KAZN: variants seen among roughly 807,000 people sequenced by gnomAD.
KAZN encodes the protein kazrin.
KAZN carries 40 observed loss-of-function variants against 87.4 expected under a neutral mutation model. The observed-to-expected ratio is 0.46, with a 90% confidence interval of 0.36 to 0.60. The LOEUF (loss-of-function observed/expected upper bound fraction) is 0.60, where lower values mean the gene tolerates loss of function less well. KAZN is among the 20% of genes least tolerant of loss of function. KAZN has a pLI of 0.00. For missense variants in KAZN, 898 were observed against 1,073.9 expected, an observed-to-expected ratio of 0.84 and a Z score of 2.29; for synonymous variants, 466 against 458.3, an observed-to-expected ratio of 1.02 and a Z score of -0.22.
chr1:14,184,260 C>T lies in KAZN; in HGVS notation c.249+3668C>T, dbSNP rs1365212520. 6.6e-6 allele frequency among the ~76,000 whole-genome samples: 1 copy of T among 151,966 alleles called. No individual in the cohort carries two copies. Among genetic ancestry groups the T allele is most frequent in the Non-Finnish European group, 1.5e-5 (1 of 67,978 alleles). ...CCCTTTTTCTCCCCACCCGACCCAG[C>T]ATCTCTCCTCCTCCCCTCCTATTTT... On this transcript the variant is annotated intron_variant, in intron 2 of 16. Transcript: ENST00000636203. The surrounding 1 kb of genome is among the most constrained non-coding windows in gnomAD (Gnocchi z 4.2).
chr1:14,198,568 C>G (rs1646576418), intron 2 of KAZN, among the ~76,000 whole-genome samples: 1 of 152,156 alleles, frequency 6.6e-6, no homozygotes, highest in Non-Finnish European at 1.5e-5. Context: ...CCATTGCACT[C>G]TAGCCTGGGT....
intron 2 of KAZN, among the ~76,000 whole-genome samples, chr1:14,252,941 A>G (rs990844159): frequency 2.0e-5 from 3 of 152,048 alleles, no homozygotes; most frequent in African/African-American, 4.8e-5. Context: ...GTTTGCATCA[A>G]CTGGCAGTTG....
At chr1:14,664,571 T>C (rs1557873728) in intron 1 of KAZN, among the ~76,000 whole-genome samples, 1 of 152,174 alleles carries the variant, frequency 6.6e-6, no homozygotes, top group Non-Finnish European at 1.5e-5. Context: ...CGTTAAAAAT[T>C]GGTCACTGTG....
At chr1:14,623,042 G>A (rs1048564657) in intron 1 of KAZN, among the ~76,000 whole-genome samples, 7 of 151,988 alleles carry the variant, frequency 4.6e-5, no homozygotes, top group Admixed American at 6.5e-5. Context: ...TGTGAAAAGC[G>A]GTTTGACAAT....
chr1:14,001,116 CA>C (rs1399915852), intron 1 of KAZN, among the ~76,000 whole-genome samples: 1 of 152,182 alleles, frequency 6.6e-6, no homozygotes, highest in Non-Finnish European at 1.5e-5. Flanking sequence ...CCCATCATCT[CA>C]GCCCCAAAAC....
At chr1:14,448,777 C>T (rs951087487) in intron 2 of KAZN, among the ~76,000 whole-genome samples, 4 of 152,164 alleles carry the variant, frequency 2.6e-5, no homozygotes, top group African/African-American at 7.2e-5. Flanking sequence ...CCAAACAAGA[C>T]GCCTGACTCC....
At chr1:14,882,810 T>C (rs1466052415) in intron 1 of KAZN, among the ~76,000 whole-genome samples, 2 of 152,078 alleles carry the variant, frequency 1.3e-5, no homozygotes, top group Non-Finnish European at 2.9e-5. Flanking sequence ...CCATGGATTA[T>C]TTCATTTAAG....
chr1:14,261,579 C>T (rs927937798), intron 2 of KAZN, among the ~76,000 whole-genome samples: 5 of 152,154 alleles, frequency 3.3e-5, no homozygotes, highest in Admixed American at 1.3e-4. Flanking sequence ...AGGCACTTAA[C>T]CCTTCCAGAA....
chr1:14,056,645 A>G (rs1642573122), intron 1 of KAZN, among the ~76,000 whole-genome samples: 1 of 152,226 alleles, frequency 6.6e-6, no homozygotes, highest in Admixed American at 6.5e-5. Flanking sequence ...GTCACCGATA[A>G]GGAGACCGAA....
At chr1:14,760,357 C>T (rs1016221097) in intron 1 of KAZN, among the ~76,000 whole-genome samples, 12 of 152,082 alleles carry the variant, frequency 7.9e-5, no homozygotes, top group African/African-American at 2.7e-4. Context: ...ATGTGCCAGG[C>T]GTGGAATTAA....
At chr1:14,572,874 A>G (rs550601249) in intron 2 of KAZN, among the ~76,000 whole-genome samples, 1 of 152,282 alleles carries the variant, frequency 6.6e-6, no homozygotes, top group Admixed American at 6.5e-5. Context: ...TTAAACATTT[A>G]TGTAAGTATT....
intron 1 of KAZN, among the ~76,000 whole-genome samples, chr1:14,060,730 A>G (rs1642762782): frequency 6.6e-6 from 1 of 152,210 alleles, no homozygotes; most frequent in Non-Finnish European, 1.5e-5. Context: ...CTAAGACCAT[A>G]TAAATAAGCA....
chr1:14,734,324 T>A (rs866335626), intron 1 of KAZN, among the ~76,000 whole-genome samples: 4,892 of 148,036 alleles, frequency 0.033, 241 homozygotes, highest in African/African-American at 0.11. Flanking sequence ...TTTTTTTTTT[T>A]TTGAGACAGA....
chr1:14,034,359 C>T (rs775295217), intron 1 of KAZN, among the ~76,000 whole-genome samples: 1 of 152,024 alleles, frequency 6.6e-6, no homozygotes, highest in African/African-American at 2.4e-5. Flanking sequence ...AGGCTGTTTA[C>T]AAGAGTCCTG....
At chr1:14,428,152 C>T (rs1195706603) in intron 2 of KAZN, among the ~76,000 whole-genome samples, 2 of 152,180 alleles carry the variant, frequency 1.3e-5, no homozygotes, top group African/African-American at 4.8e-5. Flanking sequence ...AGAATAAATT[C>T]ATTTGGTGAG....
chr1:14,202,126 A>AC (rs1230754742), intron 2 of KAZN, among the ~76,000 whole-genome samples: 7 of 152,166 alleles, frequency 4.6e-5, no homozygotes, highest in Non-Finnish European at 8.8e-5. Flanking sequence ...CTAGAGCAAG[A>AC]TGGGGGTCAG....
intron 2 of KAZN, among the ~76,000 whole-genome samples, chr1:14,375,346 AAC>A (rs1292945357): frequency 6.6e-6 from 1 of 152,134 alleles, no homozygotes; most frequent in African/African-American, 2.4e-5. Context: ...AAGTCAGTCC[AAC>A]ACAGACAGCC....
intron 1 of KAZN, among the ~76,000 whole-genome samples, chr1:13,952,633 G>T (rs1337460832): frequency 1.6e-5 from 2 of 123,166 alleles, no homozygotes; most frequent in Admixed American, 1.8e-4. Context: ...CTGGGGCAGG[G>T]TCTTCTGGGA....
intron 1 of KAZN, among the ~76,000 whole-genome samples, chr1:14,101,891 C>T (rs1009434423): frequency 2.6e-5 from 4 of 152,100 alleles, no homozygotes; most frequent in African/African-American, 4.8e-5. Context: ...TAGCTTGGCC[C>T]CAGCTGAATT....
Sources: gnomAD v4.1 joint callset for allele counts (sites outside exome capture counted in the v4.1 genomes callset) on GRCh38, gnomAD v4.1.1 for gene constraint, Gnocchi (gnomAD v3.1) non-coding constraint, MANE v1.5 for transcripts, NCBI Gene and HGNC (gene_info 2026-07-23, HGNC 2026-07-21) for gene names.